USP34: variants seen among roughly 807,000 people sequenced by gnomAD.
USP34 encodes the protein ubiquitin carboxyl-terminal hydrolase 34.
USP34 carries 70 observed loss-of-function variants against 460.3 expected under a neutral mutation model. That is an observed-to-expected ratio of 0.15 (90% CI 0.13 to 0.19). The LOEUF (loss-of-function observed/expected upper bound fraction) is 0.19. USP34 is among the 10% of genes least tolerant of loss of function. The pLI is 1.00. For synonymous variants in USP34, 1,647 were observed against 1,405.3 expected (o/e 1.17, Z -3.85); for missense variants, 3,985 against 4,236.2 (o/e 0.94, Z 1.65).
intron 5 of USP34, among the ~76,000 whole-genome samples, chr2:61,383,898 C>T (rs1263396788): frequency 3.9e-5 from 6 of 152,094 alleles, no homozygotes; most frequent in African/African-American, 1.4e-4. Context: ...TTAATCTTAG[C>T]TTCTTGCTGA....
chr2:61,310,760 C>A (rs763634177), intron 27 of USP34, among the ~76,000 whole-genome samples: 2 of 150,970 alleles, frequency 1.3e-5, no homozygotes, highest in South Asian at 4.2e-4. Context: ...AGGTGAGACA[C>A]GAAGGTGTGT....
At chr2:61,319,104 A>G in intron 22 of USP34, 69 bp downstream of exon 22, 1 of 1,440,704 alleles carries the variant, frequency 6.9e-7, no homozygotes, top group Non-Finnish European at 9.2e-7. Context: ...GGCATTACAG[A>G]ATTCGTATTT....
intron 40 of USP34, 28 bp from the exon 41 acceptor site, chr2:61,278,313 A>G (rs758345931): frequency 2.4e-5 from 38 of 1,611,334 alleles, no homozygotes; most frequent in Non-Finnish European, 2.7e-5. Flanking sequence ...AATACACACA[A>G]GCAAGATAGT....
chr2:61,243,426 C>T (rs1265876415), intron 51 of USP34, among the ~76,000 whole-genome samples: 2 of 151,952 alleles, frequency 1.3e-5, no homozygotes, highest in Admixed American at 6.6e-5. Context: ...GGATTACAGG[C>T]GTGAGCCACC....
At chr2:61,217,798 C>CA (rs1224928478) in intron 67 of USP34, among the ~76,000 whole-genome samples, 1 of 151,644 alleles carries the variant, frequency 6.6e-6, no homozygotes, top group African/African-American at 2.4e-5. Context: ...ACTAAAAATA[C>CA]AAAAAAATTA....
intron 1 of USP34, among the ~76,000 whole-genome samples, chr2:61,444,635 GAAA>G (rs1695057218): frequency 6.6e-6 from 1 of 152,018 alleles, no homozygotes; most frequent in Non-Finnish European, 1.5e-5. Flanking sequence ...CAAAAACAAA[GAAA>G]ATCTTAAAAC....
chr2:61,319,881 A>G (rs1041348210), intron 21 of USP34, among the ~76,000 whole-genome samples: 5 of 152,206 alleles, frequency 3.3e-5, no homozygotes, highest in African/African-American at 7.2e-5. Context: ...TTTCTTATTT[A>G]GAAGTTAACA....
chr2:61,216,776 G>C (rs766280041), intron 67 of USP34, among the ~76,000 whole-genome samples: 22 of 151,818 alleles, frequency 1.4e-4, no homozygotes, highest in African/African-American at 2.2e-4. Context: ...AAATTAGCTG[G>C]GTGTGGTGGC....
At chr2:61,351,377 A>G (rs1265655713) in intron 10 of USP34, among the ~76,000 whole-genome samples, 1 of 152,118 alleles carries the variant, frequency 6.6e-6, no homozygotes, top group Admixed American at 6.5e-5. Context: ...AGATACAAAG[A>G]CTTCTTTGTT....
intron 39 of USP34, 21 bp downstream of exon 39, chr2:61,280,223 T>A: frequency 7.6e-7 from 1 of 1,309,314 alleles, no homozygotes; most frequent in Non-Finnish European, 1.1e-6. Flanking sequence ...CATAGAATAG[T>A]ATATAATTTT....
chr2:61,309,053 C>A (rs1201863525), intron 27 of USP34, among the ~76,000 whole-genome samples: 1 of 151,888 alleles, frequency 6.6e-6, no homozygotes, highest in Non-Finnish European at 1.5e-5. Context: ...ACAACAACAA[C>A]AACAACAACA....
intron 70 of USP34, chr2:61,207,133 A>AT (rs1041622630): frequency 3.6e-4 from 109 of 306,910 alleles, no homozygotes; most frequent in Non-Finnish European, 3.6e-5. Context: ...GTTTAATCAC[A>AT]TTTTTTTAAA....
chr2:61,442,898 T>TACACACACAC (rs58151221), intron 1 of USP34, among the ~76,000 whole-genome samples: 9,231 of 147,214 alleles, frequency 0.063, 321 homozygotes, highest in Middle Eastern at 0.098. Context: ...GTGATGTGTG[T>TACACACACAC]ACACACACAC....
chr2:61,201,916 C>T (rs1012663642), intron 75 of USP34, among the ~76,000 whole-genome samples: 1 of 152,208 alleles, frequency 6.6e-6, no homozygotes, highest in Non-Finnish European at 1.5e-5. Flanking sequence ...CACCTGATTA[C>T]TGCCAATGAT....
chr2:61,324,314 G>A (rs1691018870), intron 21 of USP34, among the ~76,000 whole-genome samples: 1 of 152,178 alleles, frequency 6.6e-6, no homozygotes, highest in African/African-American at 2.4e-5. Flanking sequence ...AAAATTAACT[G>A]TTAACGAAAC....
intron 16 of USP34, among the ~76,000 whole-genome samples, chr2:61,340,200 A>T (rs950852136): frequency 7.6e-6 from 1 of 132,062 alleles, no homozygotes; most frequent in African/African-American, 2.8e-5. Flanking sequence ...TATAATCCCT[A>T]TATTTAAAAA....
intron 41 of USP34, among the ~76,000 whole-genome samples, chr2:61,273,882 A>G (rs1689292733): frequency 6.6e-6 from 1 of 152,210 alleles, no homozygotes; most frequent in Non-Finnish European, 1.5e-5. Context: ...AAAAAAATAA[A>G]TTAGTTAATT....
At chr2:61,211,192 T>A (rs1209477824) in intron 69 of USP34, among the ~76,000 whole-genome samples, 4 of 152,030 alleles carry the variant, frequency 2.6e-5, no homozygotes, top group Non-Finnish European at 5.9e-5. Context: ...ATGTGCCTAA[T>A]AAAAAACAAC....
chr2:61,239,187 T>G (rs1167429826), intron 53 of USP34, among the ~76,000 whole-genome samples: 1 of 151,738 alleles, frequency 6.6e-6, no homozygotes, highest in Non-Finnish European at 1.5e-5. Context: ...TTAGGCCAAT[T>G]AACAACCCTA....
Sources: allele counts gnomAD v4.1 joint callset (sites outside exome capture counted in the v4.1 genomes callset), GRCh38; gene constraint gnomAD v4.1.1; transcripts MANE v1.5; gene names NCBI Gene and HGNC (gene_info 2026-07-23, HGNC 2026-07-21).